Variants in SGCE observed in about 807,000 individuals in gnomAD.
SGCE encodes the protein epsilon-sarcoglycan.
In SGCE, 26 loss-of-function variants were observed where a neutral mutation model predicts 57.8. The ratio of observed to expected loss-of-function variants is 0.45; its 90% confidence interval spans 0.33 to 0.62. The LOEUF (loss-of-function observed/expected upper bound fraction) is 0.62, where lower values mean the gene tolerates loss of function less well. Ranked by LOEUF, SGCE falls within the 20% of genes least tolerant of loss-of-function variation. The pLI is 0.02. For synonymous variants in SGCE, 183 were observed against 189.5 expected (o/e 0.97, Z 0.28); for missense variants, 468 against 548.6 (o/e 0.85, Z 1.47).
intron 9 of SGCE, among the ~76,000 whole-genome samples, chr7:94,595,235 G>T (rs192295950): frequency 2.0e-5 from 3 of 152,274 alleles, no homozygotes; most frequent in Admixed American, 2.0e-4. Flanking sequence ...AATGGTGGCA[G>T]CCATTCATTA....
At chr7:94,619,129 A>G in intron 4 of SGCE, 173 bp from the exon 5 acceptor site, 1 of 616,328 alleles carries the variant, frequency 1.6e-6, no homozygotes, top group Non-Finnish European at 2.9e-6. Flanking sequence ...TAAAAACATA[A>G]CTGACATTAG....
chr7:94,652,023 G>C (rs1568214), intron 1 of SGCE, among the ~76,000 whole-genome samples: 1 of 151,730 alleles, frequency 6.6e-6, no homozygotes, highest in Non-Finnish European at 1.5e-5. Context: ...ACTGGATTCC[G>C]AAGTTTAGAA....
At chr7:94,610,093 A>C (rs1338863039) in intron 5 of SGCE, among the ~76,000 whole-genome samples, 20 of 152,236 alleles carry the variant, frequency 1.3e-4, no homozygotes, top group Admixed American at 1.3e-3. Flanking sequence ...ACTAAGTGAA[A>C]TAAGCAAATA....
intron 1 of SGCE, among the ~76,000 whole-genome samples, chr7:94,644,875 T>G (rs757509589): frequency 2.6e-5 from 4 of 152,154 alleles, no homozygotes; most frequent in Non-Finnish European, 5.9e-5. Flanking sequence ...CATTTTTCTC[T>G]CTAAAAAATG....
At position 94,603,966 on chromosome 7, in the gene SGCE, GT is replaced by G. The variant is rs528506606; in HGVS notation, c.663-515del. Among the ~76,000 whole-genome samples the G allele has an allele frequency of 1.6e-4, 24 of 152,176 alleles. No homozygotes were observed. The South Asian group carries it at 5.0e-3, about 32-fold the overall frequency. On this transcript the variant is annotated intron_variant, in intron 5 of 10. Transcript: ENST00000648936. ...ACTATTTTACCTATCAGTTCTGTTAGTTTTTCTACTACACAAACCCCTATAT... is the reference window on the plus strand; with the variant it reads ...ACTATTTTACCTATCAGTTCTGTTAGTTTTCTACTACACAAACCCCTATAT...
chr7:94,605,946 A>G (rs1023181402), intron 5 of SGCE, among the ~76,000 whole-genome samples: 6 of 152,014 alleles, frequency 3.9e-5, no homozygotes, highest in African/African-American at 1.4e-4. Flanking sequence ...CTCCTGCCTC[A>G]GCCTCCCAAG....
rs140906604 is a variant in SGCE, at chr7:94,629,387, T to G, written c.232+332A>C. The G allele has an allele frequency of 6.7e-5, 16 of 239,976 alleles. No homozygotes were observed. In the East Asian group the frequency reaches 1.5e-3, roughly 23 times the overall value. 14.9% of individuals were successfully genotyped at this position (239,976 alleles called of 1,614,324 possible). A position where few individuals can be genotyped will look rare whatever the true frequency, so the allele number is the denominator to read the frequency against. On this transcript the variant is annotated intron_variant, in intron 2 of 10. Coordinates refer to ENST00000648936, the MANE Select transcript of SGCE (RefSeq NM_003919.3). ...ATATGTATAGTTTTCCAAAAATCAA[T>G]GTACTATGTGAGAATCTAGGTCTTA...
chr7:94,587,879 A>G, intron 10 of SGCE: 1 of 1,511,564 alleles, frequency 6.6e-7, no homozygotes, highest in Non-Finnish European at 8.8e-7. Flanking sequence ...ACATTTCTGA[A>G]TGTGCCTGAA....
intron 1 of SGCE, chr7:94,639,283 G>A: frequency 9.5e-7 from 1 of 1,048,120 alleles, no homozygotes; most frequent in Non-Finnish European, 1.4e-6. Context: ...AGAGACTATT[G>A]GAAGCAGACA....
At chr7:94,589,687 C>T (rs1037358727) in intron 9 of SGCE, 4 of 156,868 alleles carry the variant, frequency 2.5e-5, no homozygotes, top group Non-Finnish European at 2.8e-5. Flanking sequence ...ACTGCGTATG[C>T]GAGGGATCTA....
intron 1 of SGCE, among the ~76,000 whole-genome samples, chr7:94,631,211 A>G (rs1804666996): frequency 6.6e-6 from 1 of 152,002 alleles, no homozygotes; most frequent in South Asian, 2.1e-4. Flanking sequence ...CTACTCAAGA[A>G]CAATGTACTT....
intron 9 of SGCE, among the ~76,000 whole-genome samples, chr7:94,590,338 TAGG>T (rs1292353415): frequency 2.0e-5 from 3 of 152,114 alleles, no homozygotes; most frequent in Non-Finnish European, 4.4e-5. Flanking sequence ...ACCCACAAAT[TAGG>T]TTACCATTTA....
intron 4 of SGCE, chr7:94,622,530 G>A (rs1050374656): frequency 6.6e-6 from 1 of 151,930 alleles, no homozygotes; most frequent in African/African-American, 2.4e-5. Flanking sequence ...TCGGGAGGCT[G>A]AGGCAGGAGA....
At position 94,634,371 on chromosome 7, in the gene SGCE, C is replaced by T. The variant is rs564279633; in HGVS notation, c.110-4530G>A. On this transcript the variant is annotated intron_variant, in intron 1 of 10. Transcript: ENST00000648936. ...CTCTGCTCTATTATACGGTGATACCCGTATGGACTGTTTGGTTGCCTTGTC... is the reference window on the plus strand; with the variant it reads ...CTCTGCTCTATTATACGGTGATACCTGTATGGACTGTTTGGTTGCCTTGTC... Among the ~76,000 whole-genome samples the T allele has an allele frequency of 1.3e-4, 20 of 152,234 alleles. No individual in the cohort carries two copies. In the South Asian group the frequency reaches 1.4e-3, roughly 11 times the overall value.
intron 1 of SGCE, among the ~76,000 whole-genome samples, chr7:94,631,641 T>A (rs1335521255): frequency 1.3e-5 from 2 of 151,898 alleles, no homozygotes; most frequent in Non-Finnish European, 2.9e-5. Context: ...CAATACTGGA[T>A]ACTGTGGGGG....
In SGCE at chr7:94,629,742, T is replaced by C. The variant is rs751366329; in HGVS notation, c.209A>G (p.Glu70Gly). 6.2e-7 allele frequency: 1 copy of C among 1,611,302 alleles called. No homozygotes were observed. Among genetic ancestry groups the C allele is most frequent in the East Asian group, 2.2e-5 (1 of 44,760 alleles). Residue 70 changes from glutamate (E) to glycine (G), a missense_variant, in exon 2 of 11, where the codon GAA becomes GGA. Transcript: ENST00000648936. The stretch of plus-strand genomic sequence containing the variant: ...ACCAGGTTTTGGGTAAGGTGGAAAT[T>C]CCCCCTTAAAATATTCTCTTTCCAA... ...HVLEREYFKG[E>G]FPPYPKPGEI...
chr7:94,627,716 A>T (rs943053044), intron 3 of SGCE: 10 of 157,572 alleles, frequency 6.3e-5, no homozygotes, highest in Non-Finnish European at 1.1e-4. Flanking sequence ...TTGGCTAAGT[A>T]TTTGTTTACA....
intron 3 of SGCE, 63 bp downstream of exon 3, chr7:94,628,137 TAC>T (rs138881114): frequency 0.041 from 38,205 of 928,906 alleles, 53 homozygotes; most frequent in East Asian, 0.089. Context: ...CAAATTACAA[TAC>T]ACACACACAC....
chr7:94,617,798 C>G (rs1584632661), intron 5 of SGCE: 1 of 140,400 alleles, frequency 7.1e-6, no homozygotes, highest in Admixed American at 7.2e-5. Context: ...TTTTACCTAC[C>G]CACAGACTGC....
Sources: allele counts gnomAD v4.1 joint callset (sites outside exome capture counted in the v4.1 genomes callset), GRCh38; gene constraint gnomAD v4.1.1; transcripts MANE v1.5; gene names NCBI Gene and HGNC (gene_info 2026-07-23, HGNC 2026-07-21).